EPPK1: variants seen among roughly 807,000 people sequenced by gnomAD.
EPPK1 encodes epiplakin 1.
For synonymous variants in EPPK1, 1,862 were observed against 1,721.2 expected, an observed-to-expected ratio of 1.08 and a Z score of -2.03; for missense variants, 3,823 against 3,673.3, an observed-to-expected ratio of 1.04 and a Z score of -1.05.
At chr8:143,874,289 C>T (rs1298361298) in intron 1 of EPPK1, among the ~76,000 whole-genome samples, 2 of 152,260 alleles carry the variant, frequency 1.3e-5, no homozygotes, top group South Asian at 4.1e-4. Flanking sequence ...TCCCCTTCTG[C>T]ACCAGATTGA....
At position 143,875,060 on chromosome 8, in the gene EPPK1, C is replaced by T. The variant is rs564027037; in HGVS notation, c.-45-1762G>A. On this transcript the variant is annotated intron_variant, in intron 1 of 1. Coordinates refer to ENST00000615648, the MANE Select transcript of EPPK1 (RefSeq NM_031308.4). ...TCTGAGACCTCCTCCCACCTACCCT[C>T]AGCTCCCCAAATCTGCAGCAGGAGC... Among the ~76,000 whole-genome samples, 4 of 152,326 alleles carry T rather than the reference C, an allele frequency of 2.6e-5. No individual in the cohort carries two copies. The East Asian group carries it at 5.8e-4, about 22-fold the overall frequency.
rs782548581 is a variant in EPPK1, at chr8:143,867,503, G to C, written c.5751C>G (p.Ser1917Arg). 2 of 1,612,528 alleles carry C rather than the reference G, an allele frequency of 1.2e-6. No individual in the cohort carries two copies. Among genetic ancestry groups the C allele is most frequent in the African/African-American group, 1.3e-5 (1 of 74,904 alleles). Residue 1917 changes from serine (S) to arginine (R), a missense_variant, in exon 2 of 2, where the codon AGC (serine) becomes AGG (arginine). Coordinates refer to ENST00000615648, the MANE Select transcript of EPPK1 (RefSeq NM_031308.4). ...TREVMSLHEA[S>R]RKELIPAAFA... The stretch of plus-strand genomic sequence containing the variant: ...ATGCTGCAGGGATGAGCTCCTTCCT[G>C]CTGGCCTCATGGAGGCTCATGACCT...
At position 143,868,604 on chromosome 8, in the gene EPPK1, C is replaced by G. The variant is rs186732658; in HGVS notation, c.4650G>C (p.Gly1550=). The change falls in exon 2 of 2, where the codon GGG becomes GGC. Residue 1550 remains glycine, a synonymous_variant. Coordinates refer to ENST00000615648, the MANE Select transcript of EPPK1 (RefSeq NM_031308.4). The stretch of plus-strand genomic sequence containing the variant: ...CCGCCACCTCCTTCACAGTCGTTGT[C>G]CCCTGGCTCAGCTCGTCCAGCGTCT... ...SRKTLDELSQ[G]TTTVKEVAEM... 1 of 1,603,204 alleles carries G rather than the reference C, an allele frequency of 6.2e-7. No homozygotes were observed. Among genetic ancestry groups the G allele is most frequent in the Non-Finnish European group, 8.5e-7 (1 of 1,175,608 alleles).
rs376180791 is a variant in EPPK1, at chr8:143,868,465, G to A, written c.4789C>T (p.Arg1597Trp). 2.0e-5 allele frequency: 33 copies of A among 1,612,090 alleles called. No individual in the cohort carries two copies. The highest frequency in any genetic ancestry group is 1.3e-4 in the East Asian group (6 of 44,882). The change falls in exon 2 of 2, where the codon CGG becomes TGG. Residue 1597 changes from arginine (R) to tryptophan (W), a missense_variant. Coordinates refer to ENST00000615648, the MANE Select transcript of EPPK1 (RefSeq NM_031308.4). ...AGCAGCACCAGGGCTGTGCCAGGCC[G>A]CAGGATGTGCCTCCTCAGGGCCTCT... is the stretch of plus-strand genomic sequence containing the variant. ...IPEALRRHIL[R>W]PGTALVLLEA...
chr8:143,866,899 T>G lies in EPPK1; in HGVS notation c.6355A>C (p.Lys2119Gln), dbSNP rs782061475. 4.3e-6 allele frequency: 7 copies of G among 1,613,128 alleles called. No individual in the cohort carries two copies. In the South Asian group the frequency reaches 7.7e-5, roughly 18 times the overall value. The change falls in exon 2 of 2, where the codon AAA (lysine) becomes CAA (glutamine). Residue 2119 changes from lysine to glutamine, a missense_variant. Physicochemically the swap from Lys to Gln is moderately conservative, Grantham distance 53. Coordinates refer to ENST00000615648, the MANE Select transcript of EPPK1 (RefSeq NM_031308.4). ...TTCAGTAGTGCCCACAGTGTTGGTT[T>G]CTGGCCTCTGAACCTTCCCACTGTG... is the stretch of plus-strand genomic sequence containing the variant. ...EITVGRFRGQ[K>Q]PTLWALLNSE...
Position 143,869,181 on chromosome 8 carries a change from A to T in EPPK1, c.4073T>A (p.Val1358Glu). 6.2e-7 allele frequency: 1 copy of T among 1,608,702 alleles called. No homozygotes were observed. The highest frequency in any genetic ancestry group is 1.3e-5 in the African/African-American group (1 of 75,010). Residue 1358 changes from valine (V) to glutamate (E), a missense_variant, in exon 2 of 2, where the codon GTG (valine) becomes GAG (glutamate). Transcript: ENST00000615648. Reference protein sequence around the residue: ...PQNEGLPLLQVQLATGGVVDP... With the variant: ...PQNEGLPLLQEQLATGGVVDP... Reference sequence around the variant, plus strand: ...CACCACACCCCCTGTGGCCAGCTGCACCTGCAGGAGGGGCAAGCCCTCGTT... The same window carrying T: ...CACCACACCCCCTGTGGCCAGCTGCTCCTGCAGGAGGGGCAAGCCCTCGTT...
At chr8:143,874,162 C>T (rs1819436262) in intron 1 of EPPK1, among the ~76,000 whole-genome samples, 1 of 152,356 alleles carries the variant, frequency 6.6e-6, no homozygotes, top group South Asian at 2.1e-4. Flanking sequence ...GCAGCCCCGG[C>T]ATGCCCTGCG....
In EPPK1 at chr8:143,866,519, G is replaced by A; in HGVS notation, c.6735C>T (p.Ile2245=). 1 of 1,572,888 alleles carries A rather than the reference G, an allele frequency of 6.4e-7. No homozygotes were observed. Among genetic ancestry groups the A allele is most frequent in the South Asian group, 1.2e-5 (1 of 85,518 alleles). Residue 2245 remains isoleucine, a synonymous_variant, in exon 2 of 2, where the codon ATC becomes ATT. Transcript: ENST00000615648. ...GCACGCCCTTCCACATGGCCTGGTA[G>A]ATGCTCATCTTCTCCTGGCGGCCGG... ...DQPGRQEKMS[I]YQAMWKGVLR...
rs906336420 is a variant in EPPK1 at position 143,868,541 on chromosome 8, G to A, written c.4713C>T (p.Asn1571=). The A allele has an allele frequency of 2.5e-6, 4 of 1,605,950 alleles. No individual in the cohort carries two copies. The highest frequency in any genetic ancestry group is 2.2e-5 in the East Asian group (1 of 44,562). The change falls in exon 2 of 2, where the codon AAC becomes AAT. Residue 1571 remains asparagine, a synonymous_variant. Coordinates refer to ENST00000615648, the MANE Select transcript of EPPK1 (RefSeq NM_031308.4). ...CCTGGATAAGGACCCCGGCAATGAA[G>A]TTGCCTCCCTCCAGGGACCGCTTCA... ...DSVKRSLEGG[N]FIAGVLIQGT...
chr8:143,878,580 A>G (rs1819538739), upstream of EPPK1: 1 of 150,592 alleles, frequency 6.6e-6, no homozygotes, highest in Admixed American at 6.6e-5. Flanking sequence ...AGGTGCCGGA[A>G]ACCCCGCGCG....
intron 1 of EPPK1, among the ~76,000 whole-genome samples, chr8:143,874,901 G>C (rs966759638): frequency 3.3e-5 from 5 of 152,042 alleles, no homozygotes; most frequent in Non-Finnish European, 7.4e-5. Context: ...CGCTCTTGAG[G>C]CAGCCACCAC....
chr8:143,873,224 G>T lies in EPPK1; in HGVS notation c.30C>A (p.Pro10=). 6.3e-7 allele frequency: 1 copy of T among 1,575,140 alleles called. No individual in the cohort carries two copies. The highest frequency in any genetic ancestry group is 8.6e-7 in the Non-Finnish European group (1 of 1,166,104). Residue 10 remains proline (P), a synonymous_variant, in exon 2 of 2, where the codon CCC becomes CCA. Transcript: ENST00000615648. The part of the protein sequence containing the change: MSGHTLPPL[P]VPGTNSTEQA... ...GCTCTGTGCTGTTGGTGCCTGGGAC[G>T]GGAAGAGGAGGCAAGGTGTGGCCAC...
chr8:143,867,669 G>C lies in EPPK1; in HGVS notation c.5585C>G (p.Ser1862Cys). ...CAGGGTCTTCTGATCGATGACCCTG[G>C]AGTTGAACAGGTCTGCAGCTGTCAC... ...GEVTAADLFN[S>C]RVIDQKTLHT... The change falls in exon 2 of 2, where the codon TCC becomes TGC. Residue 1862 changes from serine to cysteine, a missense_variant. By Grantham distance (112) the Ser-to-Cys change is moderately radical. Coordinates refer to ENST00000615648, the MANE Select transcript of EPPK1 (RefSeq NM_031308.4). 2 of 1,613,502 alleles carry C rather than the reference G, an allele frequency of 1.2e-6. No individual in the cohort carries two copies. Among genetic ancestry groups the C allele is most frequent in the Non-Finnish European group, 1.7e-6 (2 of 1,179,852 alleles).
In EPPK1 at chr8:143,866,564, C is replaced by A; in HGVS notation, c.6690G>T (p.Leu2230=). The A allele has an allele frequency of 5.0e-6, 8 of 1,607,936 alleles. No homozygotes were observed. In the South Asian group the frequency reaches 6.6e-5, roughly 13 times the overall value. Reference sequence around the variant, plus strand: ...GGCCGGGCTGGTCCTTGGCGGGCACCAGGACGCCCGCGATGCAGCTGGTGC... The same window carrying A: ...GGCCGGGCTGGTCCTTGGCGGGCACAAGGACGCCCGCGATGCAGCTGGTGC... ...LEGTSCIAGV[L]VPAKDQPGRQ... Residue 2230 remains leucine, a synonymous_variant, in exon 2 of 2, where the codon CTG becomes CTT. Transcript: ENST00000615648.
At chr8:143,878,835 C>T (rs1290853553), upstream of EPPK1, among the ~76,000 whole-genome samples, 1 of 152,120 alleles carries the variant, frequency 6.6e-6, no homozygotes, top group African/African-American at 2.4e-5. Flanking sequence ...TGCCTCCAGC[C>T]CCGACCCCAC....
In EPPK1 at chr8:143,870,385, G is replaced by A; in HGVS notation, c.2869C>T (p.Pro957Ser). Residue 957 changes from proline to serine, a missense_variant, in exon 2 of 2, where the codon CCC becomes TCC. Physicochemically the swap from Pro to Ser is moderately conservative, Grantham distance 74. Transcript: ENST00000615648. The surrounding 1 kb of genome is among the most constrained non-coding windows in gnomAD (Gnocchi z 5.2). ...TCCAGCAGGGCCAGGGCCACCCTGG[G>A]CCCCAGCAGCTTCTGCCTCATGGCC... Reference protein sequence around the residue: ...YQAMRQKLLGPRVALALLEAQ... With the variant: ...YQAMRQKLLGSRVALALLEAQ... The A allele has an allele frequency of 6.4e-7, 1 of 1,572,098 alleles. No individual in the cohort carries two copies. The highest frequency in any genetic ancestry group is 8.6e-7 in the Non-Finnish European group (1 of 1,164,734).
intron 1 of EPPK1, among the ~76,000 whole-genome samples, chr8:143,876,319 G>A (rs1388519286): frequency 2.6e-5 from 4 of 152,200 alleles, no homozygotes; most frequent in Non-Finnish European, 5.9e-5. Context: ...GCCAGCAGGC[G>A]CGCCCGGGTT....
Position 143,872,309 on chromosome 8 carries a change from C to A in EPPK1, c.945G>T (p.Ala315=). Residue 315 remains alanine, a synonymous_variant, in exon 2 of 2, where the codon GCG becomes GCT. Transcript: ENST00000615648. The part of the protein sequence containing the change: ...ATEHLLPMGT[A]LPLLEAQAAT... ...CAGCCTGGGCCTCTAGGAGTGGCAG[C>A]GCGGTGCCCATTGGGAGCAGGTGCT... 2 of 1,602,014 alleles carry A rather than the reference C, an allele frequency of 1.2e-6. No homozygotes were observed. The highest frequency in any genetic ancestry group is 1.7e-6 in the Non-Finnish European group (2 of 1,174,132).
chr8:143,869,073 G>C lies in EPPK1; in HGVS notation c.4181C>G (p.Thr1394Ser), dbSNP rs1819243444. 6.2e-7 allele frequency: 1 copy of C among 1,608,254 alleles called. No homozygotes were observed. The highest frequency in any genetic ancestry group is 1.7e-5 in the Admixed American group (1 of 59,994). The stretch of plus-strand genomic sequence containing the variant: ...GAACTTGTTGTCCTTGTCAACTGCA[G>C]TCAGCACCTGGCTCGTCTGTGTGTC... ...LLDTQTSQVLTAVDKDNKFFF... is the reference protein window; with the variant it reads ...LLDTQTSQVLSAVDKDNKFFF... Residue 1394 changes from threonine to serine, a missense_variant, in exon 2 of 2, where the codon ACT becomes AGT. Transcript: ENST00000615648.
Sources: gnomAD v4.1 joint callset for allele counts (sites outside exome capture counted in the v4.1 genomes callset) on GRCh38, gnomAD v4.1.1 for gene constraint, Gnocchi (gnomAD v3.1) non-coding constraint, MANE v1.5 for transcripts, NCBI Gene and HGNC (gene_info 2026-07-23, HGNC 2026-07-21) for gene names.